The following RAD52 variants were observed in gnomAD, a reference collection of about 807,000 sequenced individuals.
The protein encoded by RAD52 is RAD52 DNA repair protein.
In RAD52, 47 loss-of-function variants were observed where a neutral mutation model predicts 55.5. That is an observed-to-expected ratio of 0.85 (90% CI 0.67 to 1.08). The LOEUF (loss-of-function observed/expected upper bound fraction) is 1.08. Ranked by LOEUF, RAD52 falls within the 50% of genes least tolerant of loss-of-function variation. The pLI, the probability that RAD52 is intolerant of heterozygous loss-of-function variation, is 0.00. For synonymous variants in RAD52, 184 were observed against 198.9 expected (o/e 0.92, Z 0.63); for missense variants, 468 against 522.8 (o/e 0.90, Z 1.02).
At chr12:971,409 G>C (rs1958849894) in intron 1 of RAD52, among the ~76,000 whole-genome samples, 1 of 152,000 alleles carries the variant, frequency 6.6e-6, no homozygotes. Context: ...TCGTGAACTG[G>C]GGAGGCAGGT....
At chr12:926,206 G>T (rs1035806777) in intron 6 of RAD52, among the ~76,000 whole-genome samples, 24 of 152,094 alleles carry the variant, frequency 1.6e-4, no homozygotes, top group Admixed American at 6.6e-5. Context: ...GGTTTTGAGT[G>T]TGGGGGCTGG....
rs138828874 is a variant in RAD52 at position 925,491 on chromosome 12, C to T, written c.502G>A (p.Asp168Asn). The change falls in exon 7 of 12, where the codon GAC becomes AAC. Residue 168 changes from aspartate to asparagine, a missense_variant. Asp to Asn is a conservative substitution (Grantham distance 23, BLOSUM62 1). Coordinates refer to ENST00000358495, the MANE Select transcript of RAD52 (RefSeq NM_134424.4). ...TTTAGTGATCTCAGGTAGTCTTTGTCCAGAATACAGTTTCCAAGTGCATTC... is the reference window on the plus strand; with the variant it reads ...TTTAGTGATCTCAGGTAGTCTTTGTTCAGAATACAGTTTCCAAGTGCATTC... ...FGNALGNCIL[D>N]KDYLRSLNKL... 7 of 1,613,732 alleles carry T rather than the reference C, an allele frequency of 4.3e-6. No homozygotes were observed. Among genetic ancestry groups the T allele is most frequent in the Non-Finnish European group, 5.9e-6 (7 of 1,179,824 alleles).
At chr12:957,062 A>C (rs1250553604) in intron 1 of RAD52, among the ~76,000 whole-genome samples, 3 of 152,224 alleles carry the variant, frequency 2.0e-5, no homozygotes, top group African/African-American at 4.8e-5. Context: ...TAAAAATTCC[A>C]TGCAGACAAA....
chr12:970,749 CAAG>C (rs1958835923), intron 1 of RAD52, among the ~76,000 whole-genome samples: 1 of 152,068 alleles, frequency 6.6e-6, no homozygotes, highest in Non-Finnish European at 1.5e-5. Context: ...GTCCATGAGA[CAAG>C]GAGGTATCTG....
intron 7 of RAD52, among the ~76,000 whole-genome samples, chr12:921,571 G>A (rs1420197758): frequency 6.6e-6 from 1 of 151,912 alleles, no homozygotes; most frequent in Non-Finnish European, 1.5e-5. Context: ...GAGATCACAC[G>A]ACTGCCCTCC....
chr12:984,445 G>A (rs1959059708), intron 1 of RAD52, among the ~76,000 whole-genome samples: 1 of 152,204 alleles, frequency 6.6e-6, no homozygotes, highest in African/African-American at 2.4e-5. Flanking sequence ...TGATCCACCT[G>A]CCTCAGGCTC....
intron 1 of RAD52, among the ~76,000 whole-genome samples, chr12:955,272 T>C (rs10849605): frequency 0.49 from 74,097 of 151,956 alleles, 18,233 homozygotes; most frequent in Non-Finnish European, 0.53. Flanking sequence ...TAAGTAAGAA[T>C]GCAAGGGCAA....
intron 1 of RAD52, among the ~76,000 whole-genome samples, chr12:934,858 AC>A (rs1957529889): frequency 6.6e-6 from 1 of 152,082 alleles, no homozygotes; most frequent in African/African-American, 2.4e-5. Flanking sequence ...CACACCTGTA[AC>A]CCTAACACTT....
intron 1 of RAD52, among the ~76,000 whole-genome samples, chr12:984,258 C>T (rs1338249454): frequency 6.6e-6 from 1 of 152,066 alleles, no homozygotes; most frequent in Non-Finnish European, 1.5e-5. Context: ...TGAAGTCATG[C>T]AATCTCGGCT....
At chr12:923,245 A>T (rs1367607475) in intron 7 of RAD52, among the ~76,000 whole-genome samples, 1 of 151,944 alleles carries the variant, frequency 6.6e-6, no homozygotes, top group Admixed American at 6.6e-5. Context: ...CCCCAAAAAA[A>T]GTTAATTAGC....
At chr12:981,154 ACCC>A (rs1208617653) in intron 1 of RAD52, among the ~76,000 whole-genome samples, 1 of 147,096 alleles carries the variant, frequency 6.8e-6, no homozygotes, top group East Asian at 2.0e-4. Context: ...ACATGGTGAA[ACCC>A]CCGTCTCTAC....
At chr12:978,911 T>TAGATAGATAGAC (rs1958972568) in intron 1 of RAD52, among the ~76,000 whole-genome samples, 1 of 151,392 alleles carries the variant, frequency 6.6e-6, no homozygotes, top group Admixed American at 6.6e-5. Flanking sequence ...GATAGATAGA[T>TAGATAGATAGAC]AGATAGACAG....
intron 1 of RAD52, among the ~76,000 whole-genome samples, chr12:941,007 T>C (rs1957890898): frequency 1.3e-5 from 2 of 152,238 alleles, no homozygotes; most frequent in South Asian, 2.1e-4. Context: ...TTAAAACTAA[T>C]AGCTCCAAAT....
At chr12:914,364 T>G in intron 10 of RAD52, 67 bp downstream of exon 10, 1 of 1,591,666 alleles carries the variant, frequency 6.3e-7, no homozygotes, top group Non-Finnish European at 8.5e-7. Flanking sequence ...TTATGTCGCC[T>G]AAAAGGTATT....
intron 1 of RAD52, among the ~76,000 whole-genome samples, chr12:967,679 A>G (rs1273043919): frequency 1.3e-5 from 2 of 152,028 alleles, no homozygotes; most frequent in Non-Finnish European, 2.9e-5. Context: ...ACCAAAGTTC[A>G]CTGAAGCCTC....
chr12:962,636 T>G (rs1216542724), intron 1 of RAD52, among the ~76,000 whole-genome samples: 1 of 152,038 alleles, frequency 6.6e-6, no homozygotes, highest in African/African-American at 2.4e-5. Flanking sequence ...CGTGAGCCAC[T>G]GCACCTGGCC....
At chr12:922,578 GGAT>G (rs755456463) in intron 7 of RAD52, among the ~76,000 whole-genome samples, 6 of 152,136 alleles carry the variant, frequency 3.9e-5, no homozygotes, top group Non-Finnish European at 8.8e-5. Flanking sequence ...ACTACTACAT[GGAT>G]GAATCTTAAA....
chr12:979,921 C>T (rs1238049095), intron 1 of RAD52, among the ~76,000 whole-genome samples: 1 of 152,088 alleles, frequency 6.6e-6, no homozygotes, highest in Non-Finnish European at 1.5e-5. Flanking sequence ...GTGGCAGGCA[C>T]CTGTAGTCCC....
At chr12:954,542 G>T (rs1958579242), upstream of RAD52, among the ~76,000 whole-genome samples, 1 of 152,226 alleles carries the variant, frequency 6.6e-6, no homozygotes, top group Non-Finnish European at 1.5e-5. Flanking sequence ...TGAGAGGCAT[G>T]AGACTTGCTT....
Sources: allele counts gnomAD v4.1 joint callset (sites outside exome capture counted in the v4.1 genomes callset), GRCh38; gene constraint gnomAD v4.1.1; transcripts MANE v1.5; gene names NCBI Gene and HGNC (gene_info 2026-07-23, HGNC 2026-07-21).